The following ANTXR2 variants were observed in gnomAD, a reference collection of about 807,000 sequenced individuals.
The protein encoded by ANTXR2 is ANTXR cell adhesion molecule 2, also known as anthrax toxin receptor 2.
In ANTXR2, 44 loss-of-function variants were observed where a neutral mutation model predicts 73.7. The ratio of observed to expected loss-of-function variants is 0.60; its 90% CI spans 0.47 to 0.77. The LOEUF (loss-of-function observed/expected upper bound fraction) is 0.77, where lower values mean the gene tolerates loss of function less well. Ranked by LOEUF, ANTXR2 falls within the 30% of genes least tolerant of loss-of-function variation. The pLI is 0.00. For missense variants in ANTXR2, 604 were observed against 592.5 expected (o/e 1.02, Z -0.20); for synonymous variants, 217 against 205.9 (o/e 1.05, Z -0.46).
rs145089343 is a variant in ANTXR2, at chr4:80,017,577, T to C, written c.945+1321A>G. Reference sequence around the variant, plus strand: ...CATGAGTCATTTAGCCTCAGCATCCTTGCATGTGAAAATCATGCATTGTTA... The same window carrying C: ...CATGAGTCATTTAGCCTCAGCATCCCTGCATGTGAAAATCATGCATTGTTA... On this transcript the variant is annotated intron_variant, in intron 11 of 16. Transcript: ENST00000403729. 5.1e-4 allele frequency among the ~76,000 whole-genome samples: 78 copies of C among 152,284 alleles called. 2 individuals carry two copies. In the East Asian group the frequency reaches 0.014, roughly 28 times the overall value.
chr4:79,933,826 C>CT (rs1373317921), intron 16 of ANTXR2, among the ~76,000 whole-genome samples: 1 of 150,582 alleles, frequency 6.6e-6, no homozygotes, highest in African/African-American at 2.4e-5. Context: ...GCTCCGCCTC[C>CT]TGGGTTCACG....
At chr4:80,041,215 T>G (rs1469546236) in intron 7 of ANTXR2, among the ~76,000 whole-genome samples, 2 of 152,076 alleles carry the variant, frequency 1.3e-5, no homozygotes, top group Admixed American at 6.6e-5. Flanking sequence ...CAGGTTTTAT[T>G]GAGTCCAAAC....
At chr4:80,071,889 G>T (rs1734805680) in intron 1 of ANTXR2, among the ~76,000 whole-genome samples, 2 of 152,064 alleles carry the variant, frequency 1.3e-5, no homozygotes, top group African/African-American at 4.8e-5. Context: ...CGTTTTCTGG[G>T]GTGGGTAAAT....
intron 16 of ANTXR2, among the ~76,000 whole-genome samples, chr4:79,955,707 C>G (rs776933699): frequency 2.0e-5 from 3 of 152,014 alleles, no homozygotes; most frequent in Non-Finnish European, 2.9e-5. Context: ...ATTTATTTTT[C>G]TATACACAAA....
rs1733941641 is a variant in ANTXR2 at position 80,055,302 on chromosome 4, C to T, written c.486+58G>A. The T allele has an allele frequency of 3.2e-6, 5 of 1,559,738 alleles. No homozygotes were observed. In the South Asian group the frequency reaches 5.7e-5, roughly 18 times the overall value. On this transcript the variant is annotated intron_variant, in intron 5 of 16. Coordinates refer to ENST00000403729, the MANE Select transcript of ANTXR2 (RefSeq NM_058172.6). ...TTATTCAAATATCAAGCTATACATT[C>T]CGAGACACACAGCGATGTACAGTGG... is the stretch of plus-strand genomic sequence containing the variant.
At position 80,033,490 on chromosome 4, in the gene ANTXR2, T is replaced by C. The variant is rs752921909; in HGVS notation, c.778A>G (p.Asn260Asp). Residue 260 changes from asparagine (N) to aspartate (D), a missense_variant, in exon 9 of 17, where the codon AAT (asparagine) becomes GAT (aspartate). Physicochemically the swap from Asn to Asp is conservative, Grantham distance 23 (BLOSUM62 1). Transcript: ENST00000403729. ...NGSVLCTYTV[N>D]ETYTTSVKPV... ...GACCTACTCGTTGTATATGTTTCAT[T>C]TACAGTGTAAGTGCAGAGAACACTG... The C allele has an allele frequency of 1.3e-5, 20 of 1,598,838 alleles. No homozygotes were observed. In the Admixed American group the frequency reaches 2.9e-4, roughly 24 times the overall value.
chr4:79,924,959 A>G (rs1727724587), intron 16 of ANTXR2, among the ~76,000 whole-genome samples: 1 of 152,192 alleles, frequency 6.6e-6, no homozygotes, highest in South Asian at 2.1e-4. Flanking sequence ...ATGAGATGAC[A>G]ATGTAACATT....
chr4:80,035,059 T>G (rs1004514580), intron 8 of ANTXR2, among the ~76,000 whole-genome samples: 2 of 152,162 alleles, frequency 1.3e-5, no homozygotes, highest in African/African-American at 4.8e-5. Context: ...ATAGTGTTGT[T>G]ATAAGGATTA....
At chr4:80,020,894 G>T (rs1443240693) in intron 10 of ANTXR2, among the ~76,000 whole-genome samples, 2 of 152,076 alleles carry the variant, frequency 1.3e-5, no homozygotes, top group East Asian at 3.9e-4. Flanking sequence ...GGGCGCAGTG[G>T]CTCACGCCTG....
At chr4:79,911,294 T>C (rs1351630849) in intron 16 of ANTXR2, among the ~76,000 whole-genome samples, 1 of 152,180 alleles carries the variant, frequency 6.6e-6, no homozygotes, top group African/African-American at 2.4e-5. Context: ...AGCTTGAACA[T>C]ACAACTCATC....
intron 2 of ANTXR2, among the ~76,000 whole-genome samples, chr4:80,069,829 TACA>T (rs1300088564): frequency 2.0e-5 from 3 of 152,244 alleles, no homozygotes; most frequent in African/African-American, 7.2e-5. Flanking sequence ...CTTGGTTTTC[TACA>T]ACATTTCCTT....
At chr4:79,910,761 G>C (rs1727101813) in intron 16 of ANTXR2, among the ~76,000 whole-genome samples, 1 of 152,032 alleles carries the variant, frequency 6.6e-6, no homozygotes. Flanking sequence ...ATCTGAGGGA[G>C]AGAAAGAGGA....
At chr4:80,036,799 T>C (rs1458404042) in intron 7 of ANTXR2, among the ~76,000 whole-genome samples, 2 of 151,980 alleles carry the variant, frequency 1.3e-5, no homozygotes, top group Non-Finnish European at 2.9e-5. Flanking sequence ...AACAAATAAA[T>C]AAATTAAAAT....
intron 6 of ANTXR2, among the ~76,000 whole-genome samples, chr4:80,054,811 T>C (rs984260664): frequency 6.6e-6 from 1 of 151,398 alleles, no homozygotes; most frequent in African/African-American, 2.4e-5. Context: ...AAATAGAAAT[T>C]CTAACATTAT....
At chr4:80,063,526 A>G (rs570569307) in intron 3 of ANTXR2, among the ~76,000 whole-genome samples, 1 of 152,116 alleles carries the variant, frequency 6.6e-6, no homozygotes, top group Non-Finnish European at 1.5e-5. Flanking sequence ...TCCACCTTCA[A>G]TATCATGCCT....
chr4:80,010,828 G>A (rs4690135), intron 11 of ANTXR2, among the ~76,000 whole-genome samples: 84,513 of 151,796 alleles, frequency 0.56, 26,216 homozygotes, highest in East Asian at 0.94. Flanking sequence ...TTATCATATC[G>A]ACTGATTGCA....
chr4:79,910,880 CT>C (rs1727106797), intron 16 of ANTXR2, among the ~76,000 whole-genome samples: 1 of 152,116 alleles, frequency 6.6e-6, no homozygotes, highest in Non-Finnish European at 1.5e-5. Context: ...AAAATGGAAA[CT>C]TTTGGCTAAA....
chr4:79,930,221 TAAA>T (rs1381818160), intron 16 of ANTXR2, among the ~76,000 whole-genome samples: 11 of 152,250 alleles, frequency 7.2e-5, no homozygotes, highest in Middle Eastern at 6.8e-3. Context: ...TTACAGAAAT[TAAA>T]TACATTACAA....
intron 5 of ANTXR2, 45 bp downstream of exon 5, chr4:80,055,315 C>A: frequency 6.4e-7 from 1 of 1,566,228 alleles, no homozygotes; most frequent in Non-Finnish European, 8.8e-7. Context: ...AGACACACAG[C>A]GATGTACAGT....
Sources: allele counts gnomAD v4.1 joint callset (sites outside exome capture counted in the v4.1 genomes callset), GRCh38; gene constraint gnomAD v4.1.1; transcripts MANE v1.5; gene names NCBI Gene and HGNC (gene_info 2026-07-23, HGNC 2026-07-21).